CDH18: variants seen among roughly 807,000 people sequenced by gnomAD.
CDH18 encodes the protein cadherin 18, also known as cadherin-18.
In CDH18, 31 loss-of-function variants were observed where a neutral mutation model predicts 67.9. That is an observed-to-expected ratio of 0.46 (90% CI 0.34 to 0.62). CDH18 has a LOEUF of 0.62. Among genes scored for constraint, CDH18 ranks in the 20% least tolerant of loss-of-function variants. CDH18 has a pLI of 0.01. For synonymous variants in CDH18, 362 were observed against 347.2 expected, an observed-to-expected ratio of 1.04 and a Z score of -0.48; for missense variants, 890 against 975.5, an observed-to-expected ratio of 0.91 and a Z score of 1.17.
chr5:19,866,866 C>A (rs180690604), intron 2 of CDH18, among the ~76,000 whole-genome samples: 7 of 152,008 alleles, frequency 4.6e-5, no homozygotes, highest in Admixed American at 6.6e-5. Context: ...CCGAAGCAGG[C>A]GGATCACAAG....
chr5:20,342,800 T>C (rs1350396506), intron 1 of CDH18, among the ~76,000 whole-genome samples: 3 of 152,178 alleles, frequency 2.0e-5, no homozygotes, highest in African/African-American at 7.2e-5. Flanking sequence ...GCGTTAAAAG[T>C]TGGTCCACCA....
chr5:20,486,118 C>G (rs888359433), intron 1 of CDH18, among the ~76,000 whole-genome samples: 2 of 152,102 alleles, frequency 1.3e-5, no homozygotes, highest in Non-Finnish European at 1.5e-5. Flanking sequence ...TGTGCTGGTG[C>G]CTTCTTAAAA....
chr5:19,958,831 G>A (rs1796523701), intron 2 of CDH18, among the ~76,000 whole-genome samples: 2 of 152,152 alleles, frequency 1.3e-5, no homozygotes, highest in Non-Finnish European at 1.5e-5. Flanking sequence ...TCTATCTTAT[G>A]GAGAATGTTT....
chr5:20,238,159 G>A (rs920567501), intron 2 of CDH18, among the ~76,000 whole-genome samples: 9 of 151,892 alleles, frequency 5.9e-5, no homozygotes, highest in Non-Finnish European at 1.0e-4. Flanking sequence ...GAAAACCTAC[G>A]TCAACCCTCC....
intron 1 of CDH18, among the ~76,000 whole-genome samples, chr5:20,495,740 A>C (rs1255071564): frequency 6.6e-6 from 1 of 152,162 alleles, no homozygotes; most frequent in Non-Finnish European, 1.5e-5. Flanking sequence ...TCAAAAAAAG[A>C]CAAAAGTGAC....
rs560889677 is a variant in CDH18, at chr5:19,579,622, G to C, written c.1000-7790C>G. On this transcript the variant is annotated intron_variant, in intron 7 of 12. Transcript: ENST00000382275. The stretch of plus-strand genomic sequence containing the variant: ...ATTTTTGTTTACTTTTGTACTCTTA[G>C]TAATGCTTATAGATCTAATATTTGA... Among the ~76,000 whole-genome samples the C allele has an allele frequency of 2.6e-4, 39 of 151,616 alleles. No individual in the cohort carries two copies. In the South Asian group the frequency reaches 7.9e-3, roughly 31 times the overall value.
chr5:20,167,822 C>T (rs1736410218), intron 2 of CDH18, among the ~76,000 whole-genome samples: 1 of 152,152 alleles, frequency 6.6e-6, no homozygotes, highest in Admixed American at 6.6e-5. Flanking sequence ...GGGGTAAAAA[C>T]ACTTGGACCT....
intron 1 of CDH18, among the ~76,000 whole-genome samples, chr5:20,336,834 G>A (rs1239276583): frequency 1.4e-5 from 2 of 147,762 alleles, no homozygotes; most frequent in Non-Finnish European, 3.0e-5. Context: ...CAACCTAAAT[G>A]TCCTTAACTT....
At chr5:20,153,657 T>C (rs1751294604) in intron 2 of CDH18, among the ~76,000 whole-genome samples, 1 of 152,162 alleles carries the variant, frequency 6.6e-6, no homozygotes, top group Non-Finnish European at 1.5e-5. Context: ...GCAGGGTTGG[T>C]TTCTAGAAAG....
chr5:19,905,724 G>C (rs765546191), intron 2 of CDH18, among the ~76,000 whole-genome samples: 3 of 151,900 alleles, frequency 2.0e-5, no homozygotes, highest in Non-Finnish European at 4.4e-5. Context: ...TAGAGCACGT[G>C]AGTCTCAGGC....
chr5:19,812,898 C>A (rs542617504), intron 3 of CDH18, among the ~76,000 whole-genome samples: 1 of 152,130 alleles, frequency 6.6e-6, no homozygotes, highest in East Asian at 1.9e-4. Context: ...CCCAAATGCC[C>A]ATCAATGATA....
At chr5:20,217,282 A>G (rs1740856202) in intron 2 of CDH18, among the ~76,000 whole-genome samples, 1 of 151,914 alleles carries the variant, frequency 6.6e-6, no homozygotes. Flanking sequence ...AGAAAGTCTA[A>G]AAGATGAACC....
intron 2 of CDH18, among the ~76,000 whole-genome samples, chr5:20,085,277 A>T (rs1744844139): frequency 6.6e-6 from 1 of 152,160 alleles, no homozygotes; most frequent in Non-Finnish European, 1.5e-5. Context: ...AAAACATCTC[A>T]AGAGTCACCT....
chr5:19,799,566 TA>T (rs1262442479), intron 3 of CDH18, among the ~76,000 whole-genome samples: 7 of 152,088 alleles, frequency 4.6e-5, no homozygotes, highest in Admixed American at 2.0e-4. Context: ...AACATGTGTC[TA>T]AATTTATTTA....
chr5:19,492,780 C>T (rs1361461472), intron 11 of CDH18, among the ~76,000 whole-genome samples: 1 of 152,000 alleles, frequency 6.6e-6, no homozygotes, highest in African/African-American at 2.4e-5. Flanking sequence ...TTCTCTGAAT[C>T]AATGTTAAAT....
At chr5:20,164,470 A>C (rs2126624319) in intron 2 of CDH18, among the ~76,000 whole-genome samples, 1 of 152,160 alleles carries the variant, frequency 6.6e-6, no homozygotes, top group African/African-American at 2.4e-5. Flanking sequence ...TTGTATTTTT[A>C]GTAGAGACGA....
intron 1 of CDH18, among the ~76,000 whole-genome samples, chr5:20,295,872 C>CTTTTTTTTTTTTT (rs35024141): frequency 9.1e-5 from 10 of 109,976 alleles, no homozygotes; most frequent in East Asian, 5.1e-4. Context: ...TCTTTTTTTT[C>CTTTTTTTTTTTTT]TTTTTTTTTT....
chr5:19,686,881 T>G (rs1369567669), intron 5 of CDH18, among the ~76,000 whole-genome samples: 2 of 152,142 alleles, frequency 1.3e-5, no homozygotes, highest in African/African-American at 4.8e-5. Context: ...GAAACTGTGT[T>G]GGAATTTAAT....
At position 19,473,176 on chromosome 5, in the gene CDH18, T is replaced by C. The variant is rs776446153; in HGVS notation, c.*50A>G. 6 of 1,582,732 alleles carry C rather than the reference T, an allele frequency of 3.8e-6. No individual in the cohort carries two copies. In the African/African-American group the frequency reaches 4.0e-5, roughly 11 times the overall value. On this transcript the variant is annotated 3_prime_UTR_variant, in exon 13 of 13. Transcript: ENST00000382275. ...CTTCCTTGTCATTGCTGAGGTTGTA[T>C]ATCCACTTACTCAGGAAGCAAATTC...
Sources: allele counts gnomAD v4.1 joint callset (sites outside exome capture counted in the v4.1 genomes callset), GRCh38; gene constraint gnomAD v4.1.1; transcripts MANE v1.5; gene names NCBI Gene and HGNC (gene_info 2026-07-23, HGNC 2026-07-21).